CWC22: variants seen among roughly 807,000 people sequenced by gnomAD.
The protein encoded by CWC22 is pre-mRNA-splicing factor CWC22 homolog.
In CWC22, 53 loss-of-function variants were observed where a neutral mutation model predicts 117.2. That is an observed-to-expected ratio of 0.45 (90% CI 0.36 to 0.57). The LOEUF (loss-of-function observed/expected upper bound fraction) is 0.57. Ranked by LOEUF, CWC22 falls within the 20% of genes least tolerant of loss-of-function variation. The pLI is 0.00. For synonymous variants in CWC22, 360 were observed against 355.6 expected, an observed-to-expected ratio of 1.01 and a Z score of -0.14; for missense variants, 980 against 1,068.8, an observed-to-expected ratio of 0.92 and a Z score of 1.16.
rs764930791 is a variant in CWC22 at position 179,970,754 on chromosome 2, T to C, written c.1043A>G (p.Lys348Arg). ...ACCTTCTAGGATAATGGGGTGGTCC[T>C]TGAATCCATCTTTCCGTACAGCAAA... is the stretch of plus-strand genomic sequence containing the variant. ...VMFAVRKDGFKDHPIILEGLD... is the reference protein window; with the variant it reads ...VMFAVRKDGFRDHPIILEGLD... The change falls in exon 10 of 20, where the codon AAG becomes AGG. Residue 348 changes from lysine to arginine, a missense_variant. Around this residue, in one of 3 missense-constraint regions of CWC22, gnomAD observed 559 missense variants for 602.3 expected, o/e 0.93. Transcript: ENST00000410053. 6.2e-7 allele frequency: 1 copy of C among 1,613,754 alleles called. No homozygotes were observed. Among genetic ancestry groups the C allele is most frequent in the South Asian group, 1.1e-5 (1 of 91,070 alleles).
At chr2:179,987,911 G>C (rs1344684124) in intron 3 of CWC22, among the ~76,000 whole-genome samples, 2 of 152,170 alleles carry the variant, frequency 1.3e-5, no homozygotes, top group Non-Finnish European at 2.9e-5. Flanking sequence ...AACAGGGACT[G>C]GTTTTGTGGA....
chr2:179,989,029 T>C (rs1209763692), intron 2 of CWC22, among the ~76,000 whole-genome samples: 1 of 151,870 alleles, frequency 6.6e-6, no homozygotes, highest in African/African-American at 2.4e-5. Context: ...ACATGAATAA[T>C]GAACACTGTA....
intron 15 of CWC22, 76 bp downstream of exon 15, chr2:179,954,881 G>A: frequency 1.1e-6 from 1 of 911,996 alleles, no homozygotes; most frequent in East Asian, 2.6e-5. Context: ...TTTTAAATGA[G>A]ACCAGACCAT....
chr2:179,947,237 C>T (rs1686333849), intron 19 of CWC22, among the ~76,000 whole-genome samples: 1 of 151,640 alleles, frequency 6.6e-6, no homozygotes. Context: ...ATGGTACAGT[C>T]AGTTGGTTTG....
intron 8 of CWC22, 73 bp downstream of exon 8, chr2:179,973,120 T>C: frequency 3.7e-6 from 3 of 819,100 alleles, no homozygotes; most frequent in Non-Finnish European, 5.9e-6. Context: ...AATAGAGAGG[T>C]ATCAGTGAAG....
At position 179,945,400 on chromosome 2, in the gene CWC22, G is replaced by A; in HGVS notation, c.2456C>T (p.Pro819Leu). 1 of 1,612,128 alleles carries A rather than the reference G, an allele frequency of 6.2e-7. No individual in the cohort carries two copies. The highest frequency in any genetic ancestry group is 8.5e-7 in the Non-Finnish European group (1 of 1,179,286). ...TCTTCTCTCTCCTCTCTTCTTTTTG[G>A]GATCACCATGCTTATTTTCCAAATC... The part of the protein sequence containing the change: ...HIDLENKHGD[P>L]KKKRGERRNS... The change falls in exon 20 of 20, where the codon CCC becomes CTC. Residue 819 changes from proline (P) to leucine (L), a missense_variant. By Grantham distance (98) the Pro-to-Leu change is moderately conservative. Coordinates refer to ENST00000410053, the MANE Select transcript of CWC22 (RefSeq NM_020943.3).
chr2:179,965,848 T>C lies in CWC22; in HGVS notation c.1315+30A>G, dbSNP rs1211284957. On this transcript the variant is annotated intron_variant, in intron 12 of 19. Coordinates refer to ENST00000410053, the MANE Select transcript of CWC22 (RefSeq NM_020943.3). Reference sequence around the variant, plus strand: ...TTAGAATTAATTTTAGAGTATCTTATAATATTATTTGAATATGCTACATGT... The same window carrying C: ...TTAGAATTAATTTTAGAGTATCTTACAATATTATTTGAATATGCTACATGT... The C allele has an allele frequency of 1.0e-5, 14 of 1,344,812 alleles. No individual in the cohort carries two copies. The Admixed American group carries it at 2.5e-4, about 24-fold the overall frequency. The allele number at this position is 1,344,812 out of a possible 1,614,324, so 83.3% of individuals were successfully genotyped here.
chr2:179,984,847 G>A (rs981666879), intron 4 of CWC22, among the ~76,000 whole-genome samples: 5 of 151,980 alleles, frequency 3.3e-5, no homozygotes, highest in Non-Finnish European at 5.9e-5. Context: ...AATCAACCAC[G>A]TTGTTCAACA....
chr2:179,956,011 G>C (rs1158647161), intron 14 of CWC22, among the ~76,000 whole-genome samples: 1 of 151,860 alleles, frequency 6.6e-6, no homozygotes, highest in Non-Finnish European at 1.5e-5. Context: ...CTTGCTTTGT[G>C]CAAACAGAAA....
At chr2:179,991,827 C>T (rs151022734) in intron 2 of CWC22, among the ~76,000 whole-genome samples, 17 of 152,170 alleles carry the variant, frequency 1.1e-4, no homozygotes, top group Admixed American at 3.3e-4. Flanking sequence ...CCAAAAAGGC[C>T]GATTTGAGAA....
intron 1 of CWC22, among the ~76,000 whole-genome samples, chr2:180,005,561 G>A (rs570325157): frequency 6.6e-6 from 1 of 152,040 alleles, no homozygotes; most frequent in Admixed American, 6.5e-5. Context: ...GGGCGACAGA[G>A]TAAGACTCCG....
Position 179,950,692 on chromosome 2 carries a change from T to A in CWC22, c.1960A>T (p.Ile654Phe), listed in dbSNP as rs772129659. ...REHLKNTPKV[I>F]VAQKPDVEQN... is the part of the protein sequence containing the mutation. The stretch of plus-strand genomic sequence containing the variant: ...TCAACATCTGGTTTCTGCGCCACAA[T>A]GACCTTTGGTGTATTTTTGAGATGC... Residue 654 changes from isoleucine to phenylalanine, a missense_variant, in exon 19 of 20, where the codon ATT becomes TTT. By Grantham distance (21) the Ile-to-Phe change is conservative (BLOSUM62 0). Transcript: ENST00000410053. 2 of 1,613,516 alleles carry A rather than the reference T, an allele frequency of 1.2e-6. No individual in the cohort carries two copies. Among genetic ancestry groups the A allele is most frequent in the African/African-American group, 1.3e-5 (1 of 74,902 alleles).
At chr2:179,956,249 G>A (rs1686588150) in intron 14 of CWC22, among the ~76,000 whole-genome samples, 1 of 151,882 alleles carries the variant, frequency 6.6e-6, no homozygotes, top group Admixed American at 6.6e-5. Flanking sequence ...GAGAAGCACA[G>A]AACAGATACT....
intron 6 of CWC22, 139 bp from the exon 7 acceptor site, chr2:179,973,941 CT>C: frequency 2.2e-6 from 1 of 448,912 alleles, no homozygotes; most frequent in Non-Finnish European, 3.9e-6. Flanking sequence ...AAGAGTTTGT[CT>C]TACTAATAAA....
At chr2:180,004,627 C>G (rs1199661272) in intron 1 of CWC22, among the ~76,000 whole-genome samples, 1 of 152,062 alleles carries the variant, frequency 6.6e-6, no homozygotes, top group Non-Finnish European at 1.5e-5. Flanking sequence ...TCAAGTGATC[C>G]GCCCGCCTTG....
chr2:179,974,076 T>G (rs1164006129), intron 6 of CWC22, among the ~76,000 whole-genome samples: 1 of 152,212 alleles, frequency 6.6e-6, no homozygotes, highest in Non-Finnish European at 1.5e-5. Context: ...CCCAGTCTGT[T>G]ATATCTAATC....
chr2:179,976,787 T>C (rs940079923), intron 6 of CWC22, among the ~76,000 whole-genome samples: 1 of 152,184 alleles, frequency 6.6e-6, no homozygotes, highest in Non-Finnish European at 1.5e-5. Context: ...AGAGAATGCT[T>C]GTACACTGTT....
chr2:179,985,764 T>C (rs1266323254), intron 4 of CWC22, among the ~76,000 whole-genome samples: 1 of 152,054 alleles, frequency 6.6e-6, no homozygotes, highest in Non-Finnish European at 1.5e-5. Context: ...TCTTTTACTA[T>C]GCCTAATTTA....
At chr2:179,993,787 G>A (rs1421500441) in intron 1 of CWC22, among the ~76,000 whole-genome samples, 1 of 151,870 alleles carries the variant, frequency 6.6e-6, no homozygotes, top group Non-Finnish European at 1.5e-5. Flanking sequence ...TAAAATAGTA[G>A]TGTGATATTA....
Sources: gnomAD v4.1 joint callset for allele counts (sites outside exome capture counted in the v4.1 genomes callset) on GRCh38, gnomAD v4.1.1 for gene constraint, gnomAD v4.1.1 regional missense constraint, MANE v1.5 for transcripts, NCBI Gene and HGNC (gene_info 2026-07-23, HGNC 2026-07-21) for gene names.